Variants in CPS1 observed in about 807,000 individuals in gnomAD.
The protein encoded by CPS1 is carbamoyl-phosphate synthase [ammonia], mitochondrial.
CPS1 carries 109 observed loss-of-function variants against 174.6 expected under a neutral mutation model. The ratio of observed to expected loss-of-function variants is 0.62; its 90% confidence interval spans 0.53 to 0.73. The LOEUF (loss-of-function observed/expected upper bound fraction) is 0.73, where lower values mean the gene tolerates loss of function less well. Ranked by LOEUF, CPS1 falls within the 30% of genes least tolerant of loss-of-function variation. The pLI is 0.00. For synonymous variants in CPS1, 637 were observed against 632.0 expected (o/e 1.01, Z -0.12); for missense variants, 1,689 against 1,821.9 (o/e 0.93, Z 1.33).
intron 34 of CPS1, chr2:210,672,999 C>T (rs1466164858): frequency 1.3e-5 from 2 of 152,134 alleles, no homozygotes; most frequent in South Asian, 2.1e-4. Context: ...ATGGGCTAAA[C>T]ATTATCAAAA....
intron 2 of CPS1, among the ~76,000 whole-genome samples, chr2:210,574,481 T>G (rs1697619886): frequency 6.6e-6 from 1 of 152,070 alleles, no homozygotes; most frequent in African/African-American, 2.4e-5. Context: ...ATTAGAGGGG[T>G]TTTTAAATAG....
chr2:210,602,240 C>T lies in CPS1; in HGVS notation c.1746C>T (p.Tyr582=). The T allele has an allele frequency of 6.2e-7, 1 of 1,612,246 alleles. No homozygotes were observed. Among genetic ancestry groups the T allele is most frequent in the East Asian group, 2.2e-5 (1 of 44,706 alleles). The change falls in exon 16 of 38, where the codon TAC becomes TAT. Residue 582 remains tyrosine (Y), a synonymous_variant. Transcript: ENST00000233072. ...TGAAGGCAGCAGACACCATTGGCTA[C>T]CCAGTGATGATCCGTTCCGCCTATG... ...DALKAADTIG[Y]PVMIRSAYAL... is the part of the protein sequence containing the mutation.
intron 1 of CPS1, among the ~76,000 whole-genome samples, chr2:210,535,115 A>G (rs757361719): frequency 6.6e-6 from 1 of 152,288 alleles, no homozygotes; most frequent in East Asian, 1.9e-4. Flanking sequence ...ATGCTCAAGA[A>G]CTCATGGCTA....
chr2:210,544,309 T>G (rs1426116380), intron 1 of CPS1, among the ~76,000 whole-genome samples: 1 of 152,210 alleles, frequency 6.6e-6, no homozygotes, highest in African/African-American at 2.4e-5. Context: ...CACAGCTCAT[T>G]TGATGAGGTA....
intron 1 of CPS1, among the ~76,000 whole-genome samples, chr2:210,551,333 A>G (rs898398534): frequency 2.6e-5 from 4 of 152,028 alleles, no homozygotes; most frequent in African/African-American, 9.7e-5. Flanking sequence ...GTCCTTTTAC[A>G]TTGGCAATAA....
chr2:210,647,940 C>T lies in CPS1; in HGVS notation c.3219C>T (p.Val1073=). The change falls in exon 26 of 38, where the codon GTC becomes GTT. Residue 1073 remains valine (V), a synonymous_variant. Transcript: ENST00000233072. ...CAGTTCCTCTATACAAGAATGGTGT[C>T]AAGATCATGGGCACAAGCCCCCTGC... The part of the protein sequence containing the change: ...NLAVPLYKNG[V]KIMGTSPLQI... 6.2e-7 allele frequency: 1 copy of T among 1,614,040 alleles called. No homozygotes were observed. The highest frequency in any genetic ancestry group is 8.5e-7 in the Non-Finnish European group (1 of 1,179,938).
chr2:210,632,607 T>G (rs1222388067), intron 21 of CPS1, among the ~76,000 whole-genome samples: 2 of 152,120 alleles, frequency 1.3e-5, no homozygotes, highest in East Asian at 3.9e-4. Flanking sequence ...AGGAGTACCT[T>G]GTGGAATTAG....
At chr2:210,509,897 A>G (rs1358614783) in intron 1 of CPS1, among the ~76,000 whole-genome samples, 1 of 152,192 alleles carries the variant, frequency 6.6e-6, no homozygotes, top group African/African-American at 2.4e-5. Flanking sequence ...AAATGGAAGA[A>G]CATTCCATGC....
chr2:210,570,179 A>T (rs1434833686), intron 1 of CPS1, among the ~76,000 whole-genome samples: 1 of 151,972 alleles, frequency 6.6e-6, no homozygotes, highest in Non-Finnish European at 1.5e-5. Flanking sequence ...CAGTAAACAG[A>T]GGCTTTGTAA....
chr2:210,592,095 T>A lies in CPS1; in HGVS notation c.1086+126T>A, dbSNP rs376597574. 2.0e-5 allele frequency: 22 copies of A among 1,083,346 alleles called. 1 individual carries two copies. In the African/African-American group the frequency reaches 3.3e-4, roughly 16 times the overall value. 67.1% of individuals were successfully genotyped at this position (1,083,346 alleles called of 1,614,324 possible). A position where few individuals can be genotyped will look rare whatever the true frequency, so the allele number is the denominator to read the frequency against. On this transcript the variant is annotated intron_variant, in intron 10 of 37. Coordinates refer to ENST00000233072, the MANE Select transcript of CPS1 (RefSeq NM_001875.5). ...GATATTTTGATACATGCATATCATA[T>A]GTAATGATCAAATCACACTAGGATA...
At chr2:210,595,693 T>C in intron 13 of CPS1, 111 bp downstream of exon 13, 1 of 800,742 alleles carries the variant, frequency 1.2e-6, no homozygotes, top group South Asian at 1.5e-5. Context: ...GCTATAATTA[T>C]TTTCCTTAAC....
chr2:210,600,745 A>T, intron 15 of CPS1, 33 bp downstream of exon 15: 4 of 1,609,176 alleles, frequency 2.5e-6, no homozygotes, highest in Non-Finnish European at 3.4e-6. Context: ...AAACAAGGGC[A>T]TTATTTGTCT....
chr2:210,477,955 G>A (rs1286620452), intron 1 of CPS1, among the ~76,000 whole-genome samples: 3 of 152,120 alleles, frequency 2.0e-5, no homozygotes, highest in East Asian at 1.9e-4. Flanking sequence ...AAGGCAGGAT[G>A]GTAATTGTAT....
At chr2:210,577,337 A>G in intron 3 of CPS1, 84 bp from the exon 4 acceptor site, 1 of 1,122,074 alleles carries the variant, frequency 8.9e-7, no homozygotes, top group Non-Finnish European at 1.4e-6. Flanking sequence ...ATATCATAAA[A>G]CTTAAAAACA....
chr2:210,586,129 C>T (rs139746461), intron 6 of CPS1, among the ~76,000 whole-genome samples: 1 of 151,892 alleles, frequency 6.6e-6, no homozygotes, highest in Non-Finnish European at 1.5e-5. Context: ...GGTATTCCGG[C>T]TCCTGTCACG....
Position 210,667,757 on chromosome 2 carries a change from C to T in CPS1, c.4003-429C>T, listed in dbSNP as rs920343263. Among the ~76,000 whole-genome samples, 8 of 152,228 alleles carry T rather than the reference C, an allele frequency of 5.3e-5. No homozygotes were observed. The East Asian group carries it at 1.2e-3, about 22-fold the overall frequency. ...TGCTACTGACCGGTAAATTCATGCA[C>T]GGCTGCATAGTATATATGACACATA... On this transcript the variant is annotated intron_variant, in intron 33 of 37. Transcript: ENST00000233072.
chr2:210,608,553 A>G lies in CPS1; in HGVS notation c.2385A>G (p.Val795=), dbSNP rs768164187. Reference sequence around the variant, plus strand: ...GAATTGGTAGCTCTATGAAAAGTGTAGGAGAGGTGAGTCCTTGGTTTATTA... The same window carrying G: ...GAATTGGTAGCTCTATGAAAAGTGTGGGAGAGGTGAGTCCTTGGTTTATTA... ...SSRIGSSMKS[V]GEVMAIGRTF... The change falls in exon 19 of 38, where the codon GTA becomes GTG. Residue 795 remains valine, a synonymous_variant. Coordinates refer to ENST00000233072, the MANE Select transcript of CPS1 (RefSeq NM_001875.5). The G allele has an allele frequency of 9.9e-6, 16 of 1,611,696 alleles. No homozygotes were observed. The highest frequency in any genetic ancestry group is 3.3e-5 in the Admixed American group (2 of 59,818).
intron 6 of CPS1, among the ~76,000 whole-genome samples, chr2:210,585,046 T>C (rs542943432): frequency 5.3e-5 from 8 of 152,036 alleles, no homozygotes; most frequent in Non-Finnish European, 1.2e-4. Context: ...TTGGATCCCA[T>C]GTCATTTAAT....
chr2:210,509,786 A>G (rs1422730339), intron 1 of CPS1, among the ~76,000 whole-genome samples: 1 of 152,026 alleles, frequency 6.6e-6, no homozygotes, highest in African/African-American at 2.4e-5. Flanking sequence ...CAATTGCTTC[A>G]GAGAATAAAA....
Sources: allele counts gnomAD v4.1 joint callset (sites outside exome capture counted in the v4.1 genomes callset), GRCh38; gene constraint gnomAD v4.1.1; transcripts MANE v1.5; gene names NCBI Gene and HGNC (gene_info 2026-07-23, HGNC 2026-07-21).